The following SLC23A2 variants were observed in gnomAD, a reference collection of about 807,000 sequenced individuals.
The protein encoded by SLC23A2 is Na(+)/L-ascorbic acid transporter 2.
SLC23A2 carries 36 observed loss-of-function variants against 73.3 expected under a neutral mutation model. The ratio of observed to expected loss-of-function variants is 0.49; its 90% CI spans 0.38 to 0.65. SLC23A2 has a LOEUF of 0.65. Among genes scored for constraint, SLC23A2 ranks in the 30% least tolerant of loss-of-function variants. The pLI is 0.00. For missense variants in SLC23A2, 507 were observed against 841.6 expected, an observed-to-expected ratio of 0.60 and a Z score of 4.92; for synonymous variants, 343 against 327.3, an observed-to-expected ratio of 1.05 and a Z score of -0.52.
intron 2 of SLC23A2, among the ~76,000 whole-genome samples, chr20:4,941,919 TACAC>T (rs2087048575): frequency 6.6e-6 from 1 of 152,184 alleles, no homozygotes; most frequent in African/African-American, 2.4e-5. Flanking sequence ...TGGCCATGTA[TACAC>T]ACACCAAAAT....
In SLC23A2 at chr20:4,857,287, C is replaced by A. The variant is rs182245442; in HGVS notation, c.1721-83G>T. ...ATGAAACTGTCGTCAAACACATACA[C>A]ACACACACACACACACACACACACA... On this transcript the variant is annotated intron_variant, in intron 16 of 16. Transcript: ENST00000338244. The surrounding 1 kb of genome is among the most constrained non-coding windows in gnomAD (Gnocchi z 4.0). The A allele has an allele frequency of 9.3e-6, 1 of 107,938 alleles. No individual in the cohort carries two copies. Among genetic ancestry groups the A allele is most frequent in the African/African-American group, 2.9e-4 (1 of 3,490 alleles). 6.7% of individuals were successfully genotyped at this position (107,938 alleles called of 1,614,324 possible).
intron 1 of SLC23A2, among the ~76,000 whole-genome samples, chr20:4,983,518 T>C (rs997452070): frequency 4.7e-5 from 7 of 150,070 alleles, no homozygotes; most frequent in African/African-American, 7.3e-5. Context: ...TTGTGGCAGG[T>C]GCCTGTAGTC....
intron 1 of SLC23A2, among the ~76,000 whole-genome samples, chr20:4,977,129 T>C (rs2087654350): frequency 6.6e-6 from 1 of 152,180 alleles, no homozygotes; most frequent in South Asian, 2.1e-4. Context: ...CACTGTATGA[T>C]AAAATACTAC....
chr20:4,893,098 T>C (rs1223496425), intron 6 of SLC23A2, among the ~76,000 whole-genome samples: 8 of 151,720 alleles, frequency 5.3e-5, no homozygotes, highest in Admixed American at 5.3e-4. Context: ...AGGATCTCGC[T>C]CTGTCTCCCA....
intron 6 of SLC23A2, 146 bp from the exon 7 acceptor site, chr20:4,886,055 A>G (rs573732204): frequency 3.5e-6 from 2 of 574,234 alleles, no homozygotes; most frequent in Non-Finnish European, 6.2e-6. Context: ...CCAGTTTGCA[A>G]AGGTTTCCTG....
chr20:4,951,052 T>TC (rs1476112035), intron 2 of SLC23A2, among the ~76,000 whole-genome samples: 2 of 151,976 alleles, frequency 1.3e-5, no homozygotes, highest in Non-Finnish European at 2.9e-5. Context: ...ACATGACACA[T>TC]CCAACCCATC....
Position 4,899,536 on chromosome 20 carries a change from A to T in SLC23A2, c.482+19T>A. On this transcript the variant is annotated intron_variant, in intron 6 of 16. Coordinates refer to ENST00000338244, the MANE Select transcript of SLC23A2 (RefSeq NM_005116.6). The surrounding 1 kb of genome is among the most constrained non-coding windows in gnomAD (Gnocchi z 4.9). ...CCTTCTGGGGGCTTTGGCATCCCCC[A>T]TTAGTACCCCAATCTCACCTGCATC... 6.2e-7 allele frequency: 1 copy of T among 1,613,474 alleles called. No homozygotes were observed. Among genetic ancestry groups the T allele is most frequent in the Non-Finnish European group, 8.5e-7 (1 of 1,179,634 alleles).
intron 2 of SLC23A2, among the ~76,000 whole-genome samples, chr20:4,962,955 C>T (rs113761151): frequency 4.8e-4 from 73 of 152,228 alleles, no homozygotes; most frequent in Middle Eastern, 3.4e-3. Flanking sequence ...GCCAAGATAA[C>T]GCCACTGCAC....
chr20:4,969,633 A>G (rs1287504634), intron 2 of SLC23A2, among the ~76,000 whole-genome samples: 3 of 142,668 alleles, frequency 2.1e-5, no homozygotes, highest in Non-Finnish European at 4.5e-5. Flanking sequence ...CACCCAGGCT[A>G]GAGTGCGCTG....
Position 4,854,720 on chromosome 20 carries a change from G to A in SLC23A2, c.*2252C>T, listed in dbSNP as rs1929652455. The A allele has an allele frequency of 6.6e-6, 1 of 152,250 alleles. No homozygotes were observed. The highest frequency in any genetic ancestry group is 2.4e-5 in the African/African-American group (1 of 41,444). 9.4% of individuals were successfully genotyped at this position (152,250 alleles called of 1,614,324 possible). ...CCCGGCCCAAGGAGGGGCTTCAGAA[G>A]GGAGTGGGTTTCTGGATGACTAGAG... On this transcript the variant is annotated 3_prime_UTR_variant, in exon 17 of 17. Coordinates refer to ENST00000338244, the MANE Select transcript of SLC23A2 (RefSeq NM_005116.6).
intron 2 of SLC23A2, among the ~76,000 whole-genome samples, chr20:4,938,309 C>T (rs2086991380): frequency 6.6e-6 from 1 of 151,072 alleles, no homozygotes; most frequent in South Asian, 2.1e-4. Flanking sequence ...TGAGCCACTG[C>T]ACCTGTAATC....
At chr20:4,942,615 G>C (rs1376193275) in intron 2 of SLC23A2, among the ~76,000 whole-genome samples, 1 of 152,190 alleles carries the variant, frequency 6.6e-6, no homozygotes, top group African/African-American at 2.4e-5. Context: ...AGCCTGTAAT[G>C]ATTTCTTTTG....
chr20:4,896,157 C>T (rs1304834049), intron 6 of SLC23A2, among the ~76,000 whole-genome samples: 3 of 152,074 alleles, frequency 2.0e-5, no homozygotes, highest in Non-Finnish European at 4.4e-5. Flanking sequence ...GCAAACGTGC[C>T]CCCCACGGTG....
intron 4 of SLC23A2, among the ~76,000 whole-genome samples, chr20:4,903,126 TGTTTAAAAAAC>T (rs1931814271): frequency 6.6e-6 from 1 of 152,218 alleles, no homozygotes; most frequent in African/African-American, 2.4e-5. Flanking sequence ...ATTTGAATTC[TGTTTAAAAAAC>T]AAAACATTAA....
chr20:5,003,197 C>T (rs980031577), upstream of SLC23A2, among the ~76,000 whole-genome samples: 3 of 152,124 alleles, frequency 2.0e-5, no homozygotes, highest in Non-Finnish European at 4.4e-5. Flanking sequence ...TCCTGGCAAA[C>T]ACGGTGAAAC....
At position 4,868,208 on chromosome 20, in the gene SLC23A2, G is replaced by A. The variant is rs996549703; in HGVS notation, c.1251-333C>T. ...GATTCTCCTGCCTCCCGAGTAGCTG[G>A]GATTACAGGTTTGCACCACCATGCC... On this transcript the variant is annotated intron_variant, in intron 12 of 16. Coordinates refer to ENST00000338244, the MANE Select transcript of SLC23A2 (RefSeq NM_005116.6). The surrounding 1 kb of genome is among the most constrained non-coding windows in gnomAD (Gnocchi z 4.4). Among the ~76,000 whole-genome samples the A allele has an allele frequency of 7.9e-5, 12 of 151,522 alleles. No individual in the cohort carries two copies. The highest frequency in any genetic ancestry group is 2.7e-4 in the African/African-American group (11 of 41,188).
At chr20:5,001,364 G>T (rs1316477018) in intron 1 of SLC23A2, 42 bp downstream of exon 1, 4 of 146,654 alleles carry the variant, frequency 2.7e-5, no homozygotes, top group Non-Finnish European at 6.1e-5. Context: ...CGGCAGGTGC[G>T]GCCCGCAGGC....
chr20:5,000,997 G>T (rs1425903659), intron 1 of SLC23A2, among the ~76,000 whole-genome samples: 3 of 152,128 alleles, frequency 2.0e-5, no homozygotes, highest in African/African-American at 7.2e-5. Flanking sequence ...AGGGGCGAGG[G>T]AAGCGACCCC....
intron 4 of SLC23A2, among the ~76,000 whole-genome samples, chr20:4,907,772 C>T (rs2122884631): frequency 6.6e-6 from 1 of 152,020 alleles, no homozygotes; most frequent in African/African-American, 2.4e-5. Context: ...AAATAAAGGA[C>T]ATGTTAACAA....
Sources: gnomAD v4.1 joint callset for allele counts (sites outside exome capture counted in the v4.1 genomes callset) on GRCh38, gnomAD v4.1.1 for gene constraint, Gnocchi (gnomAD v3.1) non-coding constraint, MANE v1.5 for transcripts, NCBI Gene and HGNC (gene_info 2026-07-23, HGNC 2026-07-21) for gene names.